The following PTPRG variants were observed in gnomAD, a reference collection of about 807,000 sequenced individuals.
PTPRG encodes protein tyrosine phosphatase receptor type G.
PTPRG carries 102 observed loss-of-function variants against 165.3 expected under a neutral mutation model. The ratio of observed to expected loss-of-function variants is 0.62; its 90% CI spans 0.53 to 0.73. PTPRG has a LOEUF of 0.73. Among genes scored for constraint, PTPRG ranks in the 30% least tolerant of loss-of-function variants. The probability of loss-of-function intolerance (pLI) is 0.00; values close to 1 mark genes in which losing one functional copy is unlikely to be tolerated. For missense variants in PTPRG, 1,866 were observed against 1,861.4 expected (o/e 1.00, Z -0.05); for synonymous variants, 675 against 669.5 (o/e 1.01, Z -0.13).
At chr3:62,152,511 A>G in intron 6 of PTPRG, among the ~76,000 whole-genome samples, 1 of 152,206 alleles carries the variant, frequency 6.6e-6, no homozygotes, top group East Asian at 1.9e-4. Flanking sequence ...ATCAGTGGAC[A>G]GTACTAGAAA....
At chr3:61,739,706 G>A (rs932024388) in intron 1 of PTPRG, among the ~76,000 whole-genome samples, 1 of 152,154 alleles carries the variant, frequency 6.6e-6, no homozygotes, top group Non-Finnish European at 1.5e-5. Context: ...TTCCTCATAG[G>A]CAATAATTGA....
intron 16 of PTPRG, among the ~76,000 whole-genome samples, chr3:62,260,189 T>C (rs1255701315): frequency 6.6e-6 from 1 of 152,172 alleles, no homozygotes; most frequent in Non-Finnish European, 1.5e-5. Flanking sequence ...ACCACAATTG[T>C]AGGCTGCCTG....
At chr3:62,055,153 A>G (rs1193316607) in intron 4 of PTPRG, among the ~76,000 whole-genome samples, 1 of 152,220 alleles carries the variant, frequency 6.6e-6, no homozygotes, top group Non-Finnish European at 1.5e-5. Context: ...ATTATGTTTC[A>G]AGTATCAGTG....
chr3:62,100,594 CCAAAAAAA>C lies in PTPRG; in HGVS notation c.615+22351_615+22358del, dbSNP rs553127492. On this transcript the variant is annotated intron_variant, in intron 5 of 29. Coordinates refer to ENST00000474889, the MANE Select transcript of PTPRG (RefSeq NM_002841.4). ...TGTTTTTCTGCTTTCCAATCATAAG[CCAAAAAAA>C]CAAAAAAACAAAAACAAGAAGCACA... is the stretch of plus-strand genomic sequence containing the variant. Among the ~76,000 whole-genome samples the C allele has an allele frequency of 2.4e-3, 356 of 151,412 alleles. 3 individuals carry two copies. The highest frequency in any genetic ancestry group is 0.012 in the South Asian group (55 of 4,778).
chr3:61,790,972 T>C (rs1048789700), intron 2 of PTPRG, among the ~76,000 whole-genome samples: 1 of 152,190 alleles, frequency 6.6e-6, no homozygotes, highest in African/African-American at 2.4e-5. Flanking sequence ...GTAATTAAAA[T>C]GAATTATCAG....
Position 62,143,397 on chromosome 3 carries a change from G to T in PTPRG, c.682+10729G>T, listed in dbSNP as rs533573440. Among the ~76,000 whole-genome samples, 26 of 152,254 alleles carry T rather than the reference G, an allele frequency of 1.7e-4. 1 individual carries two copies. In the East Asian group the frequency reaches 4.8e-3, roughly 28 times the overall value. ...CAAGAAAATGGAGCAGAGCTGAGTTGCTGTGAGGGGTTCTTGCCTGTTTTT... is the reference window on the plus strand; with the variant it reads ...CAAGAAAATGGAGCAGAGCTGAGTTTCTGTGAGGGGTTCTTGCCTGTTTTT... On this transcript the variant is annotated intron_variant, in intron 6 of 29. Coordinates refer to ENST00000474889, the MANE Select transcript of PTPRG (RefSeq NM_002841.4).
chr3:61,896,467 G>T (rs2038355917), intron 2 of PTPRG, among the ~76,000 whole-genome samples: 1 of 152,146 alleles, frequency 6.6e-6, no homozygotes, highest in Non-Finnish European at 1.5e-5. Context: ...AGGATATCTG[G>T]ACTGATTCCA....
chr3:61,833,444 C>T (rs2036366288), intron 2 of PTPRG, among the ~76,000 whole-genome samples: 3 of 152,126 alleles, frequency 2.0e-5, no homozygotes, highest in South Asian at 4.1e-4. Context: ...GTGACAATTC[C>T]AGACCTAAGC....
intron 2 of PTPRG, among the ~76,000 whole-genome samples, chr3:61,752,479 C>T (rs1015331391): frequency 6.6e-6 from 1 of 151,946 alleles, no homozygotes; most frequent in African/African-American, 2.4e-5. Context: ...TAGAATATTA[C>T]TGTATCTGGC....
intron 5 of PTPRG, among the ~76,000 whole-genome samples, chr3:62,084,466 T>G (rs1198385399): frequency 6.6e-6 from 1 of 152,102 alleles, no homozygotes; most frequent in Non-Finnish European, 1.5e-5. Flanking sequence ...ATTTCTGCCC[T>G]TCTTTCATAG....
chr3:61,952,754 T>C (rs2039929830), intron 2 of PTPRG, among the ~76,000 whole-genome samples: 1 of 151,592 alleles, frequency 6.6e-6, no homozygotes, highest in Admixed American at 6.5e-5. Flanking sequence ...ACCTGGGATG[T>C]CTGTCTTCCT....
At position 61,689,618 on chromosome 3, in the gene PTPRG, A is replaced by G. The variant is rs116457461; in HGVS notation, c.86-59260A>G. Among the ~76,000 whole-genome samples the G allele has an allele frequency of 3.9e-3, 601 of 152,338 alleles. 6 individuals carry two copies. The highest frequency in any genetic ancestry group is 0.014 in the African/African-American group (572 of 41,572). On this transcript the variant is annotated intron_variant, in intron 1 of 29. Transcript: ENST00000474889. Reference sequence around the variant, plus strand: ...CTTGGAAATTGAGGCACTGAAGCTGAAGTGGCAAGGGCAAGTGTGAATTGC... The same window carrying G: ...CTTGGAAATTGAGGCACTGAAGCTGGAGTGGCAAGGGCAAGTGTGAATTGC...
At chr3:61,831,359 T>G (rs1559637099) in intron 2 of PTPRG, among the ~76,000 whole-genome samples, 1 of 152,248 alleles carries the variant, frequency 6.6e-6, no homozygotes, top group African/African-American at 2.4e-5. Context: ...AGTGAATAAT[T>G]TTGTCATTTG....
rs1702969266 is a variant in PTPRG, at chr3:62,293,424, A to C, written c.*117A>C. The C allele has an allele frequency of 2.2e-6, 2 of 907,550 alleles. No individual in the cohort carries two copies. Among genetic ancestry groups the C allele is most frequent in the Non-Finnish European group, 3.1e-6 (2 of 635,816 alleles). The allele number at this position is 907,550 out of a possible 1,614,324, so 56.2% of individuals were successfully genotyped here. On this transcript the variant is annotated 3_prime_UTR_variant, in exon 30 of 30. Coordinates refer to ENST00000474889, the MANE Select transcript of PTPRG (RefSeq NM_002841.4). ...ACCCAGTTACTTTTTTACACTGATA[A>C]AAGTTTTGATATTTATTTTTTGCCA...
intron 28 of PTPRG, among the ~76,000 whole-genome samples, chr3:62,286,307 T>C (rs1022855152): frequency 3.3e-5 from 5 of 152,180 alleles, no homozygotes; most frequent in African/African-American, 1.2e-4. Context: ...TTCCCTAAGA[T>C]TGATACTTAT....
intron 2 of PTPRG, among the ~76,000 whole-genome samples, chr3:61,793,359 T>C (rs1028240383): frequency 2.6e-5 from 4 of 152,134 alleles, no homozygotes; most frequent in African/African-American, 9.7e-5. Context: ...CTTTTCTGAG[T>C]TTGCTAGTCC....
chr3:61,758,931 T>TA (rs2033734473), intron 2 of PTPRG, among the ~76,000 whole-genome samples: 1 of 152,222 alleles, frequency 6.6e-6, no homozygotes, highest in South Asian at 2.1e-4. Context: ...GCTGTTCATT[T>TA]AAGCGAAGAA....
chr3:61,663,082 G>C (rs1702711251), intron 1 of PTPRG, among the ~76,000 whole-genome samples: 1 of 152,166 alleles, frequency 6.6e-6, no homozygotes, highest in Admixed American at 6.5e-5. Context: ...ACAGGAATTT[G>C]AGACAAGCCT....
chr3:61,949,909 G>A (rs1453707226), intron 2 of PTPRG, among the ~76,000 whole-genome samples: 1 of 151,950 alleles, frequency 6.6e-6, no homozygotes, highest in Non-Finnish European at 1.5e-5. Flanking sequence ...CACCGTGCCC[G>A]GCTAATTTTT....
Sources: allele counts gnomAD v4.1 joint callset (sites outside exome capture counted in the v4.1 genomes callset), GRCh38; gene constraint gnomAD v4.1.1; transcripts MANE v1.5; gene names NCBI Gene and HGNC (gene_info 2026-07-23, HGNC 2026-07-21).